PLEKHG3: variants seen among roughly 807,000 people sequenced by gnomAD.
PLEKHG3 encodes the protein pleckstrin homology and RhoGEF domain containing G3, also known as pleckstrin homology domain-containing family G member 3.
Under a neutral mutation model 94.9 loss-of-function variants are expected in PLEKHG3, and 62 were observed. The ratio of observed to expected loss-of-function variants is 0.65; its 90% CI spans 0.53 to 0.81. PLEKHG3 has a LOEUF of 0.81. PLEKHG3 is among the 30% of genes least tolerant of loss of function. The pLI, the probability that PLEKHG3 is intolerant of heterozygous loss-of-function variation, is 0.00. For missense variants in PLEKHG3, 1,461 were observed against 1,619.3 expected (o/e 0.90, Z 1.68); for synonymous variants, 614 against 654.0 (o/e 0.94, Z 0.93).
chr14:64,749,615 CCTT>C lies in PLEKHG3; in HGVS notation c.*5916_*5918del, dbSNP rs2081911749. On this transcript the variant is annotated 3_prime_UTR_variant, in exon 17 of 17. Transcript: ENST00000247226. The surrounding 1 kb of genome is among the most constrained non-coding windows in gnomAD (Gnocchi z 4.7). Reference sequence around the variant, plus strand: ...GCGGCCTGGGGTCCTCCACCTACCCCCTTCTTAGCCAGGTCTGGGCTAGGCTGC... The same window carrying C: ...GCGGCCTGGGGTCCTCCACCTACCCCCTTAGCCAGGTCTGGGCTAGGCTGC... 10 of 1,612,772 alleles carry C rather than the reference CCTT, an allele frequency of 6.2e-6. No individual in the cohort carries two copies. Among genetic ancestry groups the C allele is most frequent in the South Asian group, 2.2e-5 (2 of 91,074 alleles).
At chr14:64,736,820 C>T in intron 12 of PLEKHG3, 33 bp from the exon 13 acceptor site, 1 of 1,578,660 alleles carries the variant, frequency 6.3e-7, no homozygotes, top group Non-Finnish European at 8.7e-7. Context: ...GTTTCCTGGC[C>T]CGCGCTGACT....
At chr14:64,707,328 C>G (rs2080987769) in intron 1 of PLEKHG3, among the ~76,000 whole-genome samples, 1 of 152,260 alleles carries the variant, frequency 6.6e-6, no homozygotes, top group African/African-American at 2.4e-5. Context: ...TTTCTCATCT[C>G]TCCTTTCTTC....
At chr14:64,709,300 GT>G (rs2081029509) in intron 1 of PLEKHG3, among the ~76,000 whole-genome samples, 1 of 152,224 alleles carries the variant, frequency 6.6e-6, no homozygotes, top group African/African-American at 2.4e-5. Context: ...GGAGAAGAAG[GT>G]AGTGTTAGGG....
In PLEKHG3 at chr14:64,730,611, C is replaced by T. The variant is rs559266633; in HGVS notation, c.520-31C>T. On this transcript the variant is annotated intron_variant, in intron 4 of 16. Coordinates refer to ENST00000247226, the MANE Select transcript of PLEKHG3 (RefSeq NM_001308147.2). This position sits in a 1 kb window ranked among gnomAD's most constrained non-coding sequence, Gnocchi z 5.4. Reference sequence around the variant, plus strand: ...ATCTTTACTGTCAAATGAGAATCTCCCTGAAATCACTATTTTTGATCTCTT... The same window carrying T: ...ATCTTTACTGTCAAATGAGAATCTCTCTGAAATCACTATTTTTGATCTCTT... 2.5e-4 allele frequency: 395 copies of T among 1,581,792 alleles called. 3 individuals are homozygous for T. The South Asian group carries it at 4.1e-3, about 17-fold the overall frequency.
At chr14:64,735,072 A>C (rs910453600) in intron 12 of PLEKHG3, among the ~76,000 whole-genome samples, 2 of 152,136 alleles carry the variant, frequency 1.3e-5, no homozygotes, top group Non-Finnish European at 2.9e-5. Flanking sequence ...TGAGCCTTTT[A>C]AAACAGAAGG....
Position 64,727,731 on chromosome 14 carries a change from A to G in PLEKHG3, c.100A>G (p.Ser34Gly), listed in dbSNP as rs1362688202. 4 of 1,611,768 alleles carry G rather than the reference A, an allele frequency of 2.5e-6. No homozygotes were observed. The African/African-American group carries it at 4.0e-5, about 16-fold the overall frequency. The change falls in exon 2 of 17, where the codon AGT becomes GGT. Residue 34 changes from serine (S) to glycine (G), a missense_variant. Ser to Gly is a moderately conservative substitution (Grantham distance 56, BLOSUM62 0). Around this residue, in one of 3 missense-constraint regions of PLEKHG3, gnomAD observed 253 missense variants for 297.8 expected, o/e 0.85. Transcript: ENST00000247226. This position sits in a 1 kb window ranked among gnomAD's most constrained non-coding sequence, Gnocchi z 6.0. The part of the protein sequence containing the change: ...SSSGSSCDSR[S>G]AMEEPSSSEA... ...GTCGGGCTCCTCCTGTGACAGTCGC[A>G]GTGCCATGGAGGAGCCCAGCAGCTC...
chr14:64,714,510 A>C (rs997703726), intron 1 of PLEKHG3, among the ~76,000 whole-genome samples: 4 of 152,080 alleles, frequency 2.6e-5, no homozygotes, highest in East Asian at 1.9e-4. Context: ...TTATTTGTCT[A>C]CCTTTTTGTG....
In PLEKHG3 at chr14:64,747,448, A is replaced by G. The variant is rs954549945; in HGVS notation, c.*3745A>G. ...CACACTAGGTTCCCTGTATAGGGTC[A>G]TATGTACCAAAGCCAAATGAAGACC... On this transcript the variant is annotated 3_prime_UTR_variant, in exon 17 of 17. Coordinates refer to ENST00000247226, the MANE Select transcript of PLEKHG3 (RefSeq NM_001308147.2). The G allele has an allele frequency of 1.3e-5, 2 of 152,682 alleles. No individual in the cohort carries two copies. Among genetic ancestry groups the G allele is most frequent in the Non-Finnish European group, 2.9e-5 (2 of 68,056 alleles). The allele number at this position is 152,682 out of a possible 1,614,324, so 9.5% of individuals were successfully genotyped here. A position where few individuals can be genotyped will look rare whatever the true frequency, so the allele number is the denominator to read the frequency against.
chr14:64,727,299 C>A lies in PLEKHG3; in HGVS notation c.-39-294C>A, dbSNP rs138171612. 3.5e-4 allele frequency among the ~76,000 whole-genome samples: 53 copies of A among 152,264 alleles called. No individual in the cohort carries two copies. Among genetic ancestry groups the A allele is most frequent in the Non-Finnish European group, 6.6e-4 (45 of 68,012 alleles). ...GCTCATAGAGTCTGAGAACAGGGCCCTTCTTGGGATTCAGTTTTGTTTTGT... is the reference window on the plus strand; with the variant it reads ...GCTCATAGAGTCTGAGAACAGGGCCATTCTTGGGATTCAGTTTTGTTTTGT... On this transcript the variant is annotated intron_variant, in intron 1 of 16. Coordinates refer to ENST00000247226, the MANE Select transcript of PLEKHG3 (RefSeq NM_001308147.2). The surrounding 1 kb of genome is among the most constrained non-coding windows in gnomAD (Gnocchi z 6.0).
Position 64,717,112 on chromosome 14 carries a change from C to CGTGTGTGTGA in PLEKHG3, c.-39-10472_-39-10471insAGTGTGTGTG, listed in dbSNP as rs1555359510. 6.9e-6 allele frequency among the ~76,000 whole-genome samples: 1 copy of CGTGTGTGTGA among 144,270 alleles called. No individual in the cohort carries two copies. Among genetic ancestry groups the CGTGTGTGTGA allele is most frequent in the African/African-American group, 2.6e-5 (1 of 38,616 alleles). The allele number at this position is 144,270 out of a possible 152,430, so 94.6% of individuals were successfully genotyped here. A position where few individuals can be genotyped will look rare whatever the true frequency, so the allele number is the denominator to read the frequency against. On this transcript the variant is annotated intron_variant, in intron 1 of 16. Coordinates refer to ENST00000247226, the MANE Select transcript of PLEKHG3 (RefSeq NM_001308147.2). This position sits in a 1 kb window ranked among gnomAD's most constrained non-coding sequence, Gnocchi z 4.7. The stretch of plus-strand genomic sequence containing the variant: ...GGCTGGCCGCCTTTGGGAATTTACA[C>CGTGTGTGTGA]GTGTGTGTGTGTGTGTGTGTGTGTG...
intron 12 of PLEKHG3, among the ~76,000 whole-genome samples, chr14:64,733,234 G>A (rs1031150269): frequency 2.7e-5 from 4 of 146,106 alleles, no homozygotes; most frequent in East Asian, 2.0e-4. Context: ...GCTCGATCTC[G>A]GCTCACTGCA....
In PLEKHG3 at chr14:64,743,369, G is replaced by A. The variant is rs2081760337; in HGVS notation, c.3326G>A (p.Gly1109Asp). ...CTGAGCACCAAGAGGGGCCGGGGAG[G>A]CGGAGAGGCTGCCCAATCCCCTGGG... The part of the protein sequence containing the change: ...RSLSTKRGRG[G>D]GEAAQSPGPL... Residue 1109 changes from glycine (G) to aspartate (D), a missense_variant, in exon 17 of 17, where the codon GGC (glycine) becomes GAC (aspartate). Coordinates refer to ENST00000247226, the MANE Select transcript of PLEKHG3 (RefSeq NM_001308147.2). The surrounding 1 kb of genome is among the most constrained non-coding windows in gnomAD (Gnocchi z 7.2). 1 of 1,607,986 alleles carries A rather than the reference G, an allele frequency of 6.2e-7. No individual in the cohort carries two copies. The highest frequency in any genetic ancestry group is 8.5e-7 in the Non-Finnish European group (1 of 1,177,072).
chr14:64,741,473 C>A lies in PLEKHG3; in HGVS notation c.1956C>A (p.Ala652=), dbSNP rs910470085. 6.2e-7 allele frequency: 1 copy of A among 1,612,700 alleles called. No homozygotes were observed. The highest frequency in any genetic ancestry group is 8.5e-7 in the Non-Finnish European group (1 of 1,179,996). The stretch of plus-strand genomic sequence containing the variant: ...TGGAGGGCAGCGAGAAGGGCCTGGC[C>A]CGGCATGGCAGTGCCACAGACTCCC... The part of the protein sequence containing the change: ...LSLEGSEKGL[A]RHGSATDSLS... Residue 652 remains alanine (A), a synonymous_variant, in exon 16 of 17, where the codon GCC becomes GCA. Coordinates refer to ENST00000247226, the MANE Select transcript of PLEKHG3 (RefSeq NM_001308147.2).
At chr14:64,707,282 C>G (rs542328138) in intron 1 of PLEKHG3, among the ~76,000 whole-genome samples, 27 of 152,304 alleles carry the variant, frequency 1.8e-4, no homozygotes, top group African/African-American at 6.0e-4. Context: ...CATCTGGGCC[C>G]CACAACTCAC....
chr14:64,738,333 ACTC>A lies in PLEKHG3; in HGVS notation c.1405-404_1405-402del. 1 of 577,738 alleles carries A rather than the reference ACTC, an allele frequency of 1.7e-6. No homozygotes were observed. Among genetic ancestry groups the A allele is most frequent in the Non-Finnish European group, 2.7e-6 (1 of 368,062 alleles). The allele number at this position is 577,738 out of a possible 1,614,324, so 35.8% of individuals were successfully genotyped here. A position where few individuals can be genotyped will look rare whatever the true frequency, so the allele number is the denominator to read the frequency against. On this transcript the variant is annotated intron_variant, in intron 14 of 16. Coordinates refer to ENST00000247226, the MANE Select transcript of PLEKHG3 (RefSeq NM_001308147.2). This position sits in a 1 kb window ranked among gnomAD's most constrained non-coding sequence, Gnocchi z 4.8. ...CCTCACCCCACCCTGCCCTGGTTTT[ACTC>A]CTCCCCTCAGCACTTAACACCATCG...
At position 64,749,109 on chromosome 14, in the gene PLEKHG3, G is replaced by A; in HGVS notation, c.*5406G>A. 3.6e-6 allele frequency: 2 copies of A among 562,224 alleles called. No individual in the cohort carries two copies. Among genetic ancestry groups the A allele is most frequent in the South Asian group, 2.1e-5 (1 of 48,090 alleles). 34.8% of individuals were successfully genotyped at this position (562,224 alleles called of 1,614,324 possible). A position where few individuals can be genotyped will look rare whatever the true frequency, so the allele number is the denominator to read the frequency against. On this transcript the variant is annotated 3_prime_UTR_variant, in exon 17 of 17. Coordinates refer to ENST00000247226, the MANE Select transcript of PLEKHG3 (RefSeq NM_001308147.2). The surrounding 1 kb of genome is among the most constrained non-coding windows in gnomAD (Gnocchi z 4.7). The stretch of plus-strand genomic sequence containing the variant: ...CTGTCCCTGGAGCGGAGCCAGCGCG[G>A]GCGAGGGCATGGAGGGGGCGTCGGC...
At position 64,721,417 on chromosome 14, in the gene PLEKHG3, G is replaced by T. The variant is rs1463220036; in HGVS notation, c.-39-6176G>T. Among the ~76,000 whole-genome samples, 1 of 152,192 alleles carries T rather than the reference G, an allele frequency of 6.6e-6. No homozygotes were observed. Among genetic ancestry groups the T allele is most frequent in the Non-Finnish European group, 1.5e-5 (1 of 68,026 alleles). On this transcript the variant is annotated intron_variant, in intron 1 of 16. Coordinates refer to ENST00000247226, the MANE Select transcript of PLEKHG3 (RefSeq NM_001308147.2). This position sits in a 1 kb window ranked among gnomAD's most constrained non-coding sequence, Gnocchi z 4.3. ...GCCCAGGCTTTCTCCTGGAGTCCAT[G>T]TGGGAGGGCTCCCCTGGCAACACAA...
Position 64,749,629 on chromosome 14 carries a change from T to G in PLEKHG3, c.*5926T>G. 6.2e-7 allele frequency: 1 copy of G among 1,613,216 alleles called. No individual in the cohort carries two copies. The highest frequency in any genetic ancestry group is 2.2e-5 in the East Asian group (1 of 44,856). ...TCCACCTACCCCCTTCTTAGCCAGGTCTGGGCTAGGCTGCCCGCGCTTACC... is the reference window on the plus strand; with the variant it reads ...TCCACCTACCCCCTTCTTAGCCAGGGCTGGGCTAGGCTGCCCGCGCTTACC... On this transcript the variant is annotated 3_prime_UTR_variant, in exon 17 of 17. Coordinates refer to ENST00000247226, the MANE Select transcript of PLEKHG3 (RefSeq NM_001308147.2). The surrounding 1 kb of genome is among the most constrained non-coding windows in gnomAD (Gnocchi z 4.7).
At position 64,738,295 on chromosome 14, in the gene PLEKHG3, C is replaced by T. The variant is rs1281959101; in HGVS notation, c.1405-447C>T. The T allele has an allele frequency of 1.1e-6, 1 of 943,926 alleles. No individual in the cohort carries two copies. The highest frequency in any genetic ancestry group is 1.7e-5 in the African/African-American group (1 of 59,228). 58.5% of individuals were successfully genotyped at this position (943,926 alleles called of 1,614,324 possible). On this transcript the variant is annotated intron_variant, in intron 14 of 16. Coordinates refer to ENST00000247226, the MANE Select transcript of PLEKHG3 (RefSeq NM_001308147.2). The surrounding 1 kb of genome is among the most constrained non-coding windows in gnomAD (Gnocchi z 4.8). ...GATGTGCATGCCCACCCGAGGGCCC[C>T]CTCTGCTGCCCTCCTCACCCCACCC...
Sources: gnomAD v4.1 joint callset for allele counts (sites outside exome capture counted in the v4.1 genomes callset) on GRCh38, gnomAD v4.1.1 for gene constraint, gnomAD v4.1.1 regional missense constraint, Gnocchi (gnomAD v3.1) non-coding constraint, MANE v1.5 for transcripts, NCBI Gene and HGNC (gene_info 2026-07-23, HGNC 2026-07-21) for gene names.